The following LCORL variants were observed in gnomAD, a reference collection of about 807,000 sequenced individuals.
LCORL encodes ligand-dependent nuclear receptor corepressor-like protein.
In LCORL, 41 loss-of-function variants were observed where a neutral mutation model predicts 141.8. The observed-to-expected ratio is 0.29, with a 90% CI of 0.23 to 0.38. The LOEUF (loss-of-function observed/expected upper bound fraction) is 0.38, where lower values mean the gene tolerates loss of function less well. LCORL is among the 10% of genes least tolerant of loss of function. The pLI is 1.00. For missense variants in LCORL, 1,759 were observed against 2,035.0 expected (o/e 0.86, Z 2.61); for synonymous variants, 618 against 694.1 (o/e 0.89, Z 1.72).
intron 1 of LCORL, among the ~76,000 whole-genome samples, chr4:18,018,145 A>G (rs1724903938): frequency 6.6e-6 from 1 of 152,142 alleles, no homozygotes; most frequent in Admixed American, 6.5e-5. Flanking sequence ...AGTCCTGATG[A>G]TGTTTAAAAA....
chr4:17,886,930 G>A (rs1453304154), intron 5 of LCORL, among the ~76,000 whole-genome samples: 2 of 151,996 alleles, frequency 1.3e-5, no homozygotes, highest in African/African-American at 4.8e-5. Flanking sequence ...TTAAAACCCA[G>A]CAAAGAATTC....
rs1004781566 is a variant in LCORL, at chr4:18,021,263, GGACGGCGGGC to G, written c.154+325_154+334del. 2.0e-5 allele frequency among the ~76,000 whole-genome samples: 3 copies of G among 152,168 alleles called. No homozygotes were observed. The highest frequency in any genetic ancestry group is 7.2e-5 in the African/African-American group (3 of 41,454). ...GCCGCTTCCTCCGTCCTGTCAGGGT[GGACGGCGGGC>G]GACGGCGGGCAGCGACGGGCGCCGA... On this transcript the variant is annotated intron_variant, in intron 1 of 7. Transcript: ENST00000635767. The surrounding 1 kb of genome is among the most constrained non-coding windows in gnomAD (Gnocchi z 5.5).
intron 1 of LCORL, among the ~76,000 whole-genome samples, chr4:18,009,864 A>G (rs776088591): frequency 1.3e-5 from 2 of 151,898 alleles, no homozygotes; most frequent in Non-Finnish European, 1.5e-5. Context: ...TCCTCACCCT[A>G]TAAGGTTCTG....
intron 6 of LCORL, chr4:17,881,169 T>TA: frequency 1.0e-6 from 1 of 972,178 alleles, no homozygotes; most frequent in Non-Finnish European, 1.2e-6. Flanking sequence ...TTTTTTTTTT[T>TA]AATATAAAAT....
intron 5 of LCORL, chr4:17,893,384 G>A (rs1305764848): frequency 1.0e-6 from 1 of 964,498 alleles, no homozygotes; most frequent in East Asian, 1.1e-4. Flanking sequence ...ATGAATTTAA[G>A]TATTAAAATG....
At chr4:17,857,533 T>A (rs1724506197) in intron 7 of LCORL, among the ~76,000 whole-genome samples, 1 of 152,154 alleles carries the variant, frequency 6.6e-6, no homozygotes, top group African/African-American at 2.4e-5. Flanking sequence ...CTTCTTAACA[T>A]CAGCTTCACT....
At chr4:17,860,030 A>T (rs1370386898) in intron 7 of LCORL, among the ~76,000 whole-genome samples, 2 of 152,328 alleles carry the variant, frequency 1.3e-5, no homozygotes, top group East Asian at 3.9e-4. Context: ...AAAAATCAAT[A>T]TTGGGATAGG....
intron 1 of LCORL, among the ~76,000 whole-genome samples, chr4:17,988,822 G>A (rs953058022): frequency 2.6e-5 from 4 of 151,990 alleles, no homozygotes; most frequent in East Asian, 1.9e-4. Context: ...CTATCTCTAC[G>A]AAAAACACAA....
At chr4:17,926,087 G>C (rs1007892489) in intron 4 of LCORL, among the ~76,000 whole-genome samples, 1 of 152,076 alleles carries the variant, frequency 6.6e-6, no homozygotes, top group Non-Finnish European at 1.5e-5. Context: ...ATTATGTTAG[G>C]CATAATTATT....
chr4:17,961,512 A>AT (rs1469023902), intron 4 of LCORL, among the ~76,000 whole-genome samples: 1 of 152,136 alleles, frequency 6.6e-6, no homozygotes, highest in Non-Finnish European at 1.5e-5. Context: ...TCACTATTAC[A>AT]TTATCAGGCA....
At chr4:17,857,448 T>C (rs1375172341) in intron 7 of LCORL, among the ~76,000 whole-genome samples, 1 of 152,208 alleles carries the variant, frequency 6.6e-6, no homozygotes, top group Non-Finnish European at 1.5e-5. Flanking sequence ...TTCTGACACA[T>C]GGAGCATTTG....
At chr4:17,852,408 T>C (rs6842128) in intron 7 of LCORL, among the ~76,000 whole-genome samples, 106,122 of 151,814 alleles carry the variant, frequency 0.7, 37,402 homozygotes, top group South Asian at 0.85. Flanking sequence ...AAAAAAAAGG[T>C]ACTTTCGCTG....
intron 1 of LCORL, among the ~76,000 whole-genome samples, chr4:18,005,429 T>C (rs1722638004): frequency 6.6e-6 from 1 of 152,184 alleles, no homozygotes; most frequent in Admixed American, 6.5e-5. Flanking sequence ...TCTACCATTC[T>C]GGGGTCTGAA....
Position 17,961,834 on chromosome 4 carries a change from T to A in LCORL, c.430+69A>T, listed in dbSNP as rs969915581. 1.4e-5 allele frequency: 19 copies of A among 1,398,660 alleles called. No homozygotes were observed. In the Middle Eastern group the frequency reaches 5.5e-4, roughly 40 times the overall value. 86.6% of individuals were successfully genotyped at this position (1,398,660 alleles called of 1,614,324 possible). ...GAGAGACTGACATATAAAAAACTTT[T>A]GTGTAAAAAAATTCCAACATTTTAC... On this transcript the variant is annotated intron_variant, in intron 4 of 7. Coordinates refer to ENST00000635767, the Ensembl canonical transcript of LCORL.
intron 6 of LCORL, chr4:17,883,910 C>T: frequency 6.4e-7 from 1 of 1,550,700 alleles, no homozygotes; most frequent in Non-Finnish European, 8.7e-7. Context: ...ACTCATTTTT[C>T]CGCTCATTAC....
At chr4:17,861,087 G>A (rs568608733) in intron 7 of LCORL, among the ~76,000 whole-genome samples, 1 of 152,172 alleles carries the variant, frequency 6.6e-6, no homozygotes, top group African/African-American at 2.4e-5. Context: ...TCTGGAGGAC[G>A]ATGGCCCTCT....
At chr4:17,874,718 C>A in exon 7 of LCORL, 4 of 1,233,884 alleles carry the variant, frequency 3.2e-6, no homozygotes, top group Non-Finnish European at 4.0e-6. Context: ...TAGCCCACCA[C>A]CTGAGCAAAG....
chr4:17,857,005 A>G (rs1724436295), intron 7 of LCORL, among the ~76,000 whole-genome samples: 1 of 152,214 alleles, frequency 6.6e-6, no homozygotes, highest in African/African-American at 2.4e-5. Flanking sequence ...TCAGCATTTT[A>G]TCTGCAGTAC....
At chr4:17,956,892 A>G in intron 4 of LCORL, among the ~76,000 whole-genome samples, 1 of 152,114 alleles carries the variant, frequency 6.6e-6, no homozygotes, top group Admixed American at 6.5e-5. Flanking sequence ...TATCACATGT[A>G]TCCTGTAAAT....
Sources: gnomAD v4.1 joint callset for allele counts (sites outside exome capture counted in the v4.1 genomes callset) on GRCh38, gnomAD v4.1.1 for gene constraint, Gnocchi (gnomAD v3.1) non-coding constraint, MANE v1.5 for transcripts, NCBI Gene and HGNC (gene_info 2026-07-23, HGNC 2026-07-21) for gene names.